CERS3: variants seen among roughly 807,000 people sequenced by gnomAD.
CERS3 encodes the protein LAG1 homolog, ceramide synthase 3.
In CERS3, 33 loss-of-function variants were observed where a neutral mutation model predicts 50.3. The observed-to-expected ratio is 0.66, with a 90% confidence interval of 0.50 to 0.88. The LOEUF (loss-of-function observed/expected upper bound fraction) is 0.88, where lower values mean the gene tolerates loss of function less well. Among genes scored for constraint, CERS3 ranks in the 40% least tolerant of loss-of-function variants. The pLI is 0.00. For synonymous variants in CERS3, 176 were observed against 155.2 expected (o/e 1.13, Z -0.99); for missense variants, 470 against 460.3 (o/e 1.02, Z -0.19).
chr15:100,510,889 A>T (rs1254149137), intron 2 of CERS3, among the ~76,000 whole-genome samples: 1 of 152,212 alleles, frequency 6.6e-6, no homozygotes, highest in Non-Finnish European at 1.5e-5. Context: ...TGAGACTGTG[A>T]CTCTAATAAT....
intron 1 of CERS3, among the ~76,000 whole-genome samples, chr15:100,543,967 C>T (rs8036477): frequency 0.31 from 46,208 of 151,476 alleles, 7,351 homozygotes; most frequent in African/African-American, 0.4. Context: ...ATAACTGCTA[C>T]CTGGGAAAAA....
rs34347308 is a variant in CERS3 at position 100,479,766 on chromosome 15, CTG to C, written c.465+221_465+222del. ...AGAGGAAATGGTTTCAAACAAGTAACTGTATGAACCAAATTATTTCTAAACCA... is the reference window on the plus strand; with the variant it reads ...AGAGGAAATGGTTTCAAACAAGTAACTATGAACCAAATTATTTCTAAACCA... On this transcript the variant is annotated intron_variant, in intron 6 of 11. Transcript: ENST00000679737. Among the ~76,000 whole-genome samples the C allele has an allele frequency of 0.12, 18,301 of 152,016 alleles. 1,303 individuals are homozygous for C. The highest frequency in any genetic ancestry group is 0.21 in the Admixed American group (3,247 of 15,256).
chr15:100,539,973 A>G (rs1367511815), intron 1 of CERS3, among the ~76,000 whole-genome samples: 2 of 152,132 alleles, frequency 1.3e-5, no homozygotes, highest in East Asian at 1.9e-4. Context: ...ATCTCAAAAC[A>G]CAGCCCCCAT....
At chr15:100,516,359 C>T (rs1334660296) in intron 2 of CERS3, among the ~76,000 whole-genome samples, 2 of 152,194 alleles carry the variant, frequency 1.3e-5, no homozygotes, top group Non-Finnish European at 2.9e-5. Flanking sequence ...AGGGCCAGTC[C>T]TGTCACTTAA....
chr15:100,464,344 C>T (rs554332014), intron 10 of CERS3, among the ~76,000 whole-genome samples: 12 of 152,218 alleles, frequency 7.9e-5, no homozygotes, highest in Non-Finnish European at 1.8e-4. Context: ...TTATATAATG[C>T]ACTCCTGAAA....
At chr15:100,511,603 TACA>T (rs1180419013) in intron 2 of CERS3, among the ~76,000 whole-genome samples, 1,069 of 27,086 alleles carry the variant, frequency 0.039, 500 homozygotes, top group Middle Eastern at 0.11. Context: ...AATGCTCTGT[TACA>T]TGCCCTAGAG....
intron 11 of CERS3, among the ~76,000 whole-genome samples, chr15:100,447,060 C>CT (rs2033970531): frequency 6.6e-6 from 1 of 152,216 alleles, no homozygotes; most frequent in Admixed American, 6.5e-5. Context: ...CCCTACCAAA[C>CT]TGTCTCTTGT....
At chr15:100,416,693 T>C (rs2031938243) in intron 11 of CERS3, among the ~76,000 whole-genome samples, 1 of 152,106 alleles carries the variant, frequency 6.6e-6, no homozygotes, top group African/African-American at 2.4e-5. Context: ...GAACTCACTA[T>C]CACGAGAACA....
rs546344260 is a variant in CERS3, at chr15:100,457,182, T to G, written c.846-1136A>C. On this transcript the variant is annotated intron_variant, in intron 10 of 11. Coordinates refer to ENST00000679737, the MANE Select transcript of CERS3 (RefSeq NM_001378789.1). ...CTCTTCCAGTATTTTCCTATACAAT[T>G]TTTTAATTTTTTTATTAACATGCAG... Among the ~76,000 whole-genome samples the G allele has an allele frequency of 2.6e-5, 4 of 152,310 alleles. No individual in the cohort carries two copies. The South Asian group carries it at 8.3e-4, about 32-fold the overall frequency.
At chr15:100,506,461 A>AACCC (rs1555533151) in intron 2 of CERS3, among the ~76,000 whole-genome samples, 1 of 30,410 alleles carries the variant, frequency 3.3e-5, no homozygotes, top group African/African-American at 9.7e-5. Context: ...AGAAATCGGG[A>AACCC]CCCCCCCGCC....
intron 11 of CERS3, among the ~76,000 whole-genome samples, chr15:100,449,191 G>A (rs1165685484): frequency 6.6e-6 from 1 of 152,188 alleles, no homozygotes; most frequent in Non-Finnish European, 1.5e-5. Context: ...ACTCCTCCCA[G>A]GTTGTGCCGA....
chr15:100,451,743 A>C (rs539376935), intron 11 of CERS3, among the ~76,000 whole-genome samples: 13 of 152,080 alleles, frequency 8.5e-5, no homozygotes, highest in South Asian at 2.1e-4. Context: ...AAAAACCAAA[A>C]CAAAACAAAA....
chr15:100,543,056 G>A (rs1362564034), intron 1 of CERS3, among the ~76,000 whole-genome samples: 1 of 151,980 alleles, frequency 6.6e-6, no homozygotes, highest in Admixed American at 6.6e-5. Flanking sequence ...TGGGATTATA[G>A]GTGCCCACCA....
intron 9 of CERS3, among the ~76,000 whole-genome samples, chr15:100,469,944 T>C (rs1278171810): frequency 1.3e-5 from 2 of 151,694 alleles, no homozygotes; most frequent in African/African-American, 4.8e-5. Flanking sequence ...TCAAGGCAGA[T>C]GAGGGAAGAG....
At chr15:100,417,715 A>G (rs1007523036) in intron 11 of CERS3, among the ~76,000 whole-genome samples, 3 of 151,972 alleles carry the variant, frequency 2.0e-5, no homozygotes, top group African/African-American at 7.3e-5. Flanking sequence ...TGGTTCTCCC[A>G]GCACGCAGCT....
chr15:100,440,431 A>G (rs1462809607), intron 11 of CERS3, among the ~76,000 whole-genome samples: 3 of 152,042 alleles, frequency 2.0e-5, no homozygotes, highest in Non-Finnish European at 4.4e-5. Flanking sequence ...ACTCCTGCCC[A>G]CCAGAGAACA....
intron 11 of CERS3, among the ~76,000 whole-genome samples, chr15:100,436,994 A>C (rs1336049506): frequency 7.2e-6 from 1 of 139,676 alleles, no homozygotes; most frequent in African/African-American, 2.7e-5. Context: ...TCCAGGTTGG[A>C]GTGCAGTGGT....
chr15:100,464,030 A>G (rs2034634471), intron 10 of CERS3, among the ~76,000 whole-genome samples: 1 of 152,042 alleles, frequency 6.6e-6, no homozygotes, highest in African/African-American at 2.4e-5. Flanking sequence ...CATTCCAAGT[A>G]TTTACATGGT....
chr15:100,413,704 T>C (rs2031667763), intron 11 of CERS3, among the ~76,000 whole-genome samples: 1 of 151,490 alleles, frequency 6.6e-6, no homozygotes, highest in Admixed American at 6.6e-5. Context: ...CACTCATACA[T>C]TTGGTTAGAA....
Sources: allele counts gnomAD v4.1 joint callset (sites outside exome capture counted in the v4.1 genomes callset), GRCh38; gene constraint gnomAD v4.1.1; transcripts MANE v1.5; gene names NCBI Gene and HGNC (gene_info 2026-07-23, HGNC 2026-07-21).